Variants in DMRT1 observed in about 807,000 individuals in gnomAD.
The protein encoded by DMRT1 is doublesex- and mab-3-related transcription factor 1.
In DMRT1, 7 loss-of-function variants were observed where a neutral mutation model predicts 32.3. That is an observed-to-expected ratio of 0.22 (90% CI 0.12 to 0.41). DMRT1 has a LOEUF of 0.41. Among genes scored for constraint, DMRT1 ranks in the 10% least tolerant of loss-of-function variants. The pLI, the probability that DMRT1 is intolerant of heterozygous loss-of-function variation, is 1.00. For synonymous variants in DMRT1, 278 were observed against 206.1 expected (o/e 1.35, Z -2.99); for missense variants, 625 against 500.5 (o/e 1.25, Z -2.37).
intron 3 of DMRT1, among the ~76,000 whole-genome samples, chr9:907,516 T>A (rs1045337507): frequency 8.5e-5 from 13 of 152,152 alleles, no homozygotes; most frequent in African/African-American, 3.1e-4. Context: ...CCCTTTCAGG[T>A]TTTAGGAAAA....
chr9:880,341 C>G (rs191379765), intron 2 of DMRT1, among the ~76,000 whole-genome samples: 60 of 152,274 alleles, frequency 3.9e-4, no homozygotes, highest in Non-Finnish European at 7.5e-4. Flanking sequence ...TCTGCTTCAT[C>G]AAGGGTGTCT....
intron 4 of DMRT1, among the ~76,000 whole-genome samples, chr9:917,184 G>T (rs901663370): frequency 2.0e-5 from 3 of 152,140 alleles, no homozygotes; most frequent in African/African-American, 7.2e-5. Flanking sequence ...ATTTTATGGA[G>T]GATCAATATG....
At chr9:939,638 C>G (rs960522888) in intron 4 of DMRT1, among the ~76,000 whole-genome samples, 1 of 152,216 alleles carries the variant, frequency 6.6e-6, no homozygotes, top group African/African-American at 2.4e-5. Context: ...CTCTGCTTAA[C>G]TCCTATTTTA....
intron 2 of DMRT1, among the ~76,000 whole-genome samples, chr9:874,444 A>G (rs1292655688): frequency 6.6e-6 from 1 of 152,154 alleles, no homozygotes; most frequent in East Asian, 1.9e-4. Context: ...CTGAACTTGT[A>G]TATAAGTTTA....
At chr9:931,172 A>G (rs1564259463) in intron 4 of DMRT1, among the ~76,000 whole-genome samples, 1 of 152,188 alleles carries the variant, frequency 6.6e-6, no homozygotes, top group Non-Finnish European at 1.5e-5. Context: ...GGGTTTATCC[A>G]TGTTGTAGCA....
intron 3 of DMRT1, among the ~76,000 whole-genome samples, chr9:915,473 G>A (rs1258644963): frequency 1.4e-5 from 2 of 143,336 alleles, no homozygotes; most frequent in Non-Finnish European, 3.0e-5. Context: ...GGAAAAAAAT[G>A]AATGACTGCT....
At chr9:959,248 G>C (rs1476514102) in intron 4 of DMRT1, among the ~76,000 whole-genome samples, 2 of 152,234 alleles carry the variant, frequency 1.3e-5, no homozygotes, top group Non-Finnish European at 2.9e-5. Flanking sequence ...CTTGTGGTGT[G>C]TGTGGCCAAC....
intron 2 of DMRT1, among the ~76,000 whole-genome samples, chr9:888,563 G>C (rs1043066178): frequency 1.3e-5 from 2 of 151,834 alleles, no homozygotes; most frequent in African/African-American, 4.8e-5. Context: ...GCCTCCCAAA[G>C]TGCTGGGATT....
At chr9:866,068 G>T (rs1343318278) in intron 2 of DMRT1, among the ~76,000 whole-genome samples, 3 of 148,494 alleles carry the variant, frequency 2.0e-5, no homozygotes, top group Non-Finnish European at 4.4e-5. Context: ...GGAGGCTGAG[G>T]CAGGAGAATC....
chr9:933,875 A>C (rs1468985061), intron 4 of DMRT1, among the ~76,000 whole-genome samples: 1 of 152,174 alleles, frequency 6.6e-6, no homozygotes, highest in Non-Finnish European at 1.5e-5. Context: ...TATGCTCACA[A>C]ACACCATTTA....
intron 3 of DMRT1, among the ~76,000 whole-genome samples, chr9:904,902 A>T (rs993906005): frequency 1.3e-5 from 2 of 149,972 alleles, no homozygotes; most frequent in Non-Finnish European, 3.0e-5. Flanking sequence ...AGATTGCGCC[A>T]CTGTACTCCA....
chr9:843,116 C>G lies in DMRT1; in HGVS notation c.354+924C>G, dbSNP rs180895398. 6.6e-5 allele frequency among the ~76,000 whole-genome samples: 10 copies of G among 152,294 alleles called. No homozygotes were observed. In the East Asian group the frequency reaches 1.5e-3, roughly 23 times the overall value. On this transcript the variant is annotated intron_variant, in intron 1 of 4. Coordinates refer to ENST00000382276, the MANE Select transcript of DMRT1 (RefSeq NM_021951.3). ...TCGGGGTTCGATTTCCTCGAGCGTCCCCAGAATCTCTGACTCTCCCTCCTT... is the reference window on the plus strand; with the variant it reads ...TCGGGGTTCGATTTCCTCGAGCGTCGCCAGAATCTCTGACTCTCCCTCCTT...
chr9:883,295 TC>T (rs1816803800), intron 2 of DMRT1, among the ~76,000 whole-genome samples: 1 of 151,882 alleles, frequency 6.6e-6, no homozygotes, highest in Admixed American at 6.6e-5. Flanking sequence ...AAAAATCTCT[TC>T]CTGGGAGAAA....
At chr9:952,912 T>C (rs978108667) in intron 4 of DMRT1, among the ~76,000 whole-genome samples, 4 of 152,214 alleles carry the variant, frequency 2.6e-5, no homozygotes, top group Admixed American at 6.5e-5. Context: ...ATTTATATTC[T>C]TTTTTTGTTG....
intron 4 of DMRT1, among the ~76,000 whole-genome samples, chr9:938,973 G>A (rs760555417): frequency 2.0e-5 from 3 of 152,210 alleles, no homozygotes; most frequent in Admixed American, 6.5e-5. Flanking sequence ...GAAGAAGTGG[G>A]TGGTGGAGTT....
At chr9:930,386 C>G (rs1447663910) in intron 4 of DMRT1, among the ~76,000 whole-genome samples, 1 of 151,910 alleles carries the variant, frequency 6.6e-6, no homozygotes, top group Non-Finnish European at 1.5e-5. Context: ...GTGTGCACCA[C>G]CACACTTGGC....
intron 3 of DMRT1, among the ~76,000 whole-genome samples, chr9:909,541 A>G (rs1439228891): frequency 6.6e-6 from 1 of 152,104 alleles, no homozygotes; most frequent in Non-Finnish European, 1.5e-5. Context: ...TGAGGGTAAA[A>G]GTCAACCCCA....
chr9:918,701 C>CA (rs779348191), intron 4 of DMRT1, among the ~76,000 whole-genome samples: 19 of 139,148 alleles, frequency 1.4e-4, no homozygotes, highest in Non-Finnish European at 2.6e-4. Context: ...GTAGGAGGCC[C>CA]AAGCTTCAGA....
At chr9:935,988 G>A (rs1413515651) in intron 4 of DMRT1, among the ~76,000 whole-genome samples, 1 of 152,176 alleles carries the variant, frequency 6.6e-6, no homozygotes, top group Non-Finnish European at 1.5e-5. Context: ...CGTTTTCAAG[G>A]CTGGAGACAC....
Sources: allele counts gnomAD v4.1 joint callset (sites outside exome capture counted in the v4.1 genomes callset), GRCh38; gene constraint gnomAD v4.1.1; transcripts MANE v1.5; gene names NCBI Gene and HGNC (gene_info 2026-07-23, HGNC 2026-07-21).